ATP10B: variants seen among roughly 807,000 people sequenced by gnomAD.
ATP10B encodes the protein phospholipid-transporting ATPase VB.
A neutral mutation model predicts 141.2 loss-of-function variants in ATP10B; 122 were observed. That is an observed-to-expected ratio of 0.86 (90% CI 0.75 to 1.00). The LOEUF is 1.00. Ranked by LOEUF, ATP10B falls within the 50% of genes least tolerant of loss-of-function variation. The pLI is 0.00. For synonymous variants in ATP10B, 685 were observed against 692.0 expected (o/e 0.99, Z 0.16); for missense variants, 1,876 against 1,825.3 (o/e 1.03, Z -0.51).
chr5:160,747,080 T>G (rs1767855107), intron 2 of ATP10B, among the ~76,000 whole-genome samples: 1 of 152,252 alleles, frequency 6.6e-6, no homozygotes, highest in African/African-American at 2.4e-5. Context: ...TCATTTGATC[T>G]GGCATCCCTG....
chr5:160,824,707 C>T (rs1774441846), intron 1 of ATP10B, among the ~76,000 whole-genome samples: 1 of 152,194 alleles, frequency 6.6e-6, no homozygotes, highest in South Asian at 2.1e-4. Context: ...TATATCTAAA[C>T]ATAAAACAGG....
intron 2 of ATP10B, among the ~76,000 whole-genome samples, chr5:160,755,325 C>T (rs1768447543): frequency 6.6e-6 from 1 of 152,096 alleles, no homozygotes. Context: ...CACCAGGCCC[C>T]TCCAATTCGG....
chr5:160,648,058 C>T (rs916274795), intron 8 of ATP10B, among the ~76,000 whole-genome samples: 1 of 152,114 alleles, frequency 6.6e-6, no homozygotes, highest in Non-Finnish European at 1.5e-5. Context: ...GTCAAAAGAC[C>T]CCCATATAAG....
In ATP10B at chr5:160,620,712, A is replaced by T. The variant is rs1358065449; in HGVS notation, c.2051T>A (p.Met684Lys). The change falls in exon 15 of 26, where the codon ATG becomes AAG. Residue 684 changes from methionine (M) to lysine (K), a missense_variant. Coordinates refer to ENST00000327245, the MANE Select transcript of ATP10B (RefSeq NM_025153.3). ...STDDGGYRSSMWDQGDILESG... is the reference protein window; with the variant it reads ...STDDGGYRSSKWDQGDILESG... Reference sequence around the variant, plus strand: ...CTCCAGGATGTCGCCCTGGTCCCACATGCTGCTCCTGTAGCCACCGTCATC... The same window carrying T: ...CTCCAGGATGTCGCCCTGGTCCCACTTGCTGCTCCTGTAGCCACCGTCATC... 1 of 1,614,172 alleles carries T rather than the reference A, an allele frequency of 6.2e-7. No individual in the cohort carries two copies. The highest frequency in any genetic ancestry group is 1.7e-5 in the Admixed American group (1 of 60,022).
chr5:160,912,856 A>G, the ATP10B span, among the ~76,000 whole-genome samples: 2 of 152,086 alleles, frequency 1.3e-5, no homozygotes, highest in African/African-American at 4.8e-5. Context: ...TCCAGAATAG[A>G]TTTCATGTAA....
chr5:160,849,317 T>C (rs1753650166), intron 1 of ATP10B, among the ~76,000 whole-genome samples: 1 of 152,116 alleles, frequency 6.6e-6, no homozygotes, highest in Non-Finnish European at 1.5e-5. Flanking sequence ...TACTGCACCA[T>C]ACCAGAGCGA....
intron 15 of ATP10B, 110 bp downstream of exon 15, chr5:160,620,237 G>T: frequency 7.3e-7 from 1 of 1,374,840 alleles, no homozygotes; most frequent in Non-Finnish European, 9.9e-7. Context: ...TTCCAGTTGG[G>T]ACCTGCCATA....
At chr5:160,576,707 T>C (rs897442491) in intron 24 of ATP10B, among the ~76,000 whole-genome samples, 1 of 152,134 alleles carries the variant, frequency 6.6e-6, no homozygotes, top group Non-Finnish European at 1.5e-5. Flanking sequence ...GGAGAGAAAT[T>C]AGCAAATGCA....
chr5:160,788,080 C>T (rs1247594717), intron 1 of ATP10B, among the ~76,000 whole-genome samples: 1 of 152,140 alleles, frequency 6.6e-6, no homozygotes. Flanking sequence ...TGTTACATTC[C>T]CCTTGCCATT....
At position 160,792,638 on chromosome 5, in the gene ATP10B, G is replaced by T. The variant is rs115396649; in HGVS notation, c.-575-6835C>A. 3.7e-3 allele frequency among the ~76,000 whole-genome samples: 566 copies of T among 152,272 alleles called. 4 individuals are homozygous for T. Among genetic ancestry groups the T allele is most frequent in the African/African-American group, 0.013 (535 of 41,554 alleles). Reference sequence around the variant, plus strand: ...ATGTCAAGGATGGCAGAGCCAACCAGCCAGCTTGTGACTCAGGAATACCTG... The same window carrying T: ...ATGTCAAGGATGGCAGAGCCAACCATCCAGCTTGTGACTCAGGAATACCTG... On this transcript the variant is annotated intron_variant, in intron 1 of 25. Coordinates refer to ENST00000327245, the MANE Select transcript of ATP10B (RefSeq NM_025153.3).
the ATP10B span, among the ~76,000 whole-genome samples, chr5:160,925,408 AC>A: frequency 1.3e-5 from 2 of 152,164 alleles, no homozygotes; most frequent in Non-Finnish European, 2.9e-5. Flanking sequence ...GTTTATTATC[AC>A]CCCCGTTTGT....
At chr5:160,786,518 G>A (rs919949990) in intron 1 of ATP10B, among the ~76,000 whole-genome samples, 12 of 152,090 alleles carry the variant, frequency 7.9e-5, no homozygotes, top group Admixed American at 7.2e-4. Flanking sequence ...TCAAGAGAGA[G>A]GGCAGGGTGG....
At chr5:160,826,144 T>C (rs1274088728) in intron 1 of ATP10B, among the ~76,000 whole-genome samples, 1 of 152,168 alleles carries the variant, frequency 6.6e-6, no homozygotes, top group Non-Finnish European at 1.5e-5. Flanking sequence ...TTTTTTTGTA[T>C]AACTCTCTAT....
intron 2 of ATP10B, among the ~76,000 whole-genome samples, chr5:160,724,093 A>G (rs1766166258): frequency 6.6e-6 from 1 of 152,030 alleles, no homozygotes; most frequent in East Asian, 1.9e-4. Flanking sequence ...AAGGGTACAG[A>G]GAGGGGAAGA....
intron 5 of ATP10B, among the ~76,000 whole-genome samples, chr5:160,686,701 C>T (rs1382788708): frequency 6.6e-6 from 1 of 152,062 alleles, no homozygotes; most frequent in Non-Finnish European, 1.5e-5. Flanking sequence ...CTGTTATTTA[C>T]TCGTTGTGTG....
chr5:160,842,663 ATC>A (rs1561915861), intron 1 of ATP10B, among the ~76,000 whole-genome samples: 3 of 152,014 alleles, frequency 2.0e-5, no homozygotes, highest in Non-Finnish European at 2.9e-5. Context: ...GCACATTTGT[ATC>A]AATAAATTTA....
At chr5:160,589,558 A>C (rs1360104039) in intron 24 of ATP10B, 34 bp downstream of exon 24, 1 of 1,529,598 alleles carries the variant, frequency 6.5e-7, no homozygotes, top group South Asian at 1.1e-5. Flanking sequence ...GCAGGAGCAC[A>C]GTTTTGAAGC....
At chr5:160,598,705 C>T (rs1383232648) in intron 22 of ATP10B, 65 bp downstream of exon 22, 3 of 1,491,818 alleles carry the variant, frequency 2.0e-6, no homozygotes, top group African/African-American at 1.4e-5. Context: ...CTGATGCCTC[C>T]AGAGGGGAGG....
At chr5:160,889,305 T>C in the ATP10B span, among the ~76,000 whole-genome samples, 226 of 152,216 alleles carry the variant, frequency 1.5e-3, no homozygotes, top group Non-Finnish European at 2.0e-3. Context: ...GTGGCTAGAG[T>C]GCCCAGCTGA....
Sources: gnomAD v4.1 joint callset for allele counts (sites outside exome capture counted in the v4.1 genomes callset) on GRCh38, gnomAD v4.1.1 for gene constraint, MANE v1.5 for transcripts, NCBI Gene and HGNC (gene_info 2026-07-23, HGNC 2026-07-21) for gene names.